Variants in SMPX observed in about 807,000 individuals in gnomAD.
SMPX encodes the protein small muscular protein.
In SMPX, 2 loss-of-function variants were observed where a neutral mutation model predicts 6.3. The ratio of observed to expected loss-of-function variants is 0.32; its 90% CI spans 0.13 to 0.99. The LOEUF (loss-of-function observed/expected upper bound fraction) is 0.99. Among genes scored for constraint, SMPX ranks in the 50% least tolerant of loss-of-function variants. SMPX has a pLI of 0.49. For synonymous variants in SMPX, 32 were observed against 24.7 expected (o/e 1.30, Z -0.88); for missense variants, 60 against 66.8 (o/e 0.90, Z 0.36).
At chrX:21,743,270 T>G (rs1485706245) in intron 3 of SMPX, among the ~76,000 whole-genome samples, 1 of 112,062 alleles carries the variant, frequency 8.9e-6, no homozygotes, top group Non-Finnish European at 1.9e-5. Flanking sequence ...GCTTACTTTC[T>G]GCATTCTCAC....
At chrX:21,724,404 A>G (rs1672423042) in intron 4 of SMPX, among the ~76,000 whole-genome samples, 1 of 112,705 alleles carries the variant, frequency 8.9e-6, no homozygotes, top group East Asian at 2.8e-4. Flanking sequence ...GTATGTGTAT[A>G]AAGATTACAG....
intron 4 of SMPX, among the ~76,000 whole-genome samples, chrX:21,715,260 CTCTGTG>C (rs1465238258): frequency 9.5e-4 from 74 of 77,549 alleles, no homozygotes; most frequent in African/African-American, 3.9e-3. Context: ...ACTCACTCTG[CTCTGTG>C]TGTGTGTGTG....
intron 3 of SMPX, among the ~76,000 whole-genome samples, chrX:21,739,868 T>C (rs1001721792): frequency 1.8e-5 from 2 of 112,433 alleles, no homozygotes; most frequent in Non-Finnish European, 3.8e-5. Flanking sequence ...ATCAAAATGT[T>C]CTATATTGGC....
At chrX:21,717,795 C>G (rs1041720922) in intron 4 of SMPX, among the ~76,000 whole-genome samples, 1 of 112,177 alleles carries the variant, frequency 8.9e-6, no homozygotes, top group African/African-American at 3.2e-5. Context: ...AAAAGTTTTT[C>G]AAAAATAGTA....
Position 21,758,103 on chromosome X carries a change from T to C in SMPX, c.-174A>G. The C allele has an allele frequency of 3.0e-6, 1 of 329,558 alleles. No homozygotes were observed. The highest frequency in any genetic ancestry group is 5.9e-6 in the Non-Finnish European group (1 of 170,037). The allele number at this position is 329,558 out of a possible 1,213,427, so 27.2% of individuals were successfully genotyped here. A position where few individuals can be genotyped will look rare whatever the true frequency, so the allele number is the denominator to read the frequency against. On this transcript the variant is annotated 5_prime_UTR_variant, in exon 1 of 5. It adds an upstream start codon to the 5' untranslated region. Transcript: ENST00000379494. Reference sequence around the variant, plus strand: ...TGAAATAGCTCTGTGCCTCTCCCGGTATTGAGAACTGCTCCTGGCTCGGGG... The same window carrying C: ...TGAAATAGCTCTGTGCCTCTCCCGGCATTGAGAACTGCTCCTGGCTCGGGG...
At chrX:21,715,303 T>TGTGTGTGCGCGCGC (rs1175730294) in intron 4 of SMPX, among the ~76,000 whole-genome samples, 1 of 86,074 alleles carries the variant, frequency 1.2e-5, no homozygotes, top group African/African-American at 6.0e-5. Flanking sequence ...TGTGTGTGTG[T>TGTGTGTGCGCGCGC]GCGCGCACGC....
intron 4 of SMPX, among the ~76,000 whole-genome samples, chrX:21,714,454 G>A (rs1022380879): frequency 1.8e-5 from 2 of 111,753 alleles, no homozygotes; most frequent in African/African-American, 6.5e-5. Context: ...GGACATTTAG[G>A]TTCTTAATCA....
intron 4 of SMPX, chrX:21,733,563 A>T (rs984061701): frequency 1.2e-5 from 3 of 245,101 alleles, no homozygotes; most frequent in African/African-American, 8.8e-5. Context: ...CAGAAGGAGA[A>T]TTTCTTTTTA....
At chrX:21,727,773 G>A (rs748916404) in intron 4 of SMPX, 2 of 112,339 alleles carry the variant, frequency 1.8e-5, no homozygotes, top group Non-Finnish European at 3.8e-5. Context: ...GGAATGATCA[G>A]TTCACAGGCA....
chrX:21,734,914 T>C (rs1196356192), intron 4 of SMPX, among the ~76,000 whole-genome samples: 1 of 112,159 alleles, frequency 8.9e-6, no homozygotes, highest in Non-Finnish European at 1.9e-5. Flanking sequence ...ACCTGTCTTA[T>C]GTGTCTAAAG....
Position 21,706,114 on chromosome X carries a change from C to T in SMPX, c.*295G>A, listed in dbSNP as rs758643235. On this transcript the variant is annotated 3_prime_UTR_variant, in exon 5 of 5. Transcript: ENST00000379494. ...AGCTTGGGAAACTTTTCATCAAAAT[C>T]GTTAGGCACATTGCCATATCATTCT... 29 of 511,385 alleles carry T rather than the reference C, an allele frequency of 5.7e-5. 1 individual carries two copies. In the South Asian group the frequency reaches 5.9e-4, roughly 10 times the overall value. 42.1% of individuals were successfully genotyped at this position (511,385 alleles called of 1,213,427 possible).
intron 3 of SMPX, among the ~76,000 whole-genome samples, chrX:21,739,273 G>A (rs888079873): frequency 8.9e-6 from 1 of 112,042 alleles, no homozygotes; most frequent in African/African-American, 3.2e-5. Context: ...TAGTAGTCAC[G>A]TCCTTTATAG....
At chrX:21,755,801 GTT>G (rs2092832243) in intron 1 of SMPX, among the ~76,000 whole-genome samples, 1 of 112,295 alleles carries the variant, frequency 8.9e-6, no homozygotes, top group Admixed American at 9.4e-5. Flanking sequence ...TTTTTAAAGA[GTT>G]TCACTTGAAT....
chrX:21,716,739 G>A (rs977963502), intron 4 of SMPX, among the ~76,000 whole-genome samples: 9 of 111,031 alleles, frequency 8.1e-5, no homozygotes, highest in Non-Finnish European at 7.5e-5. Flanking sequence ...TGCAGAGAGG[G>A]AACTGAAAAA....
chrX:21,728,214 T>TCTC, intron 4 of SMPX, among the ~76,000 whole-genome samples: 1 of 48,340 alleles, frequency 2.1e-5, no homozygotes, highest in South Asian at 1.4e-3. Context: ...TTCCCCTCCT[T>TCTC]TCTCTCTCTC....
intron 1 of SMPX, among the ~76,000 whole-genome samples, chrX:21,757,458 T>G (rs751205888): frequency 8.9e-6 from 1 of 112,085 alleles, no homozygotes; most frequent in South Asian, 3.8e-4. Flanking sequence ...TAGAACGTTA[T>G]CATTGAGACC....
intron 2 of SMPX, among the ~76,000 whole-genome samples, chrX:21,744,826 G>A (rs1224931435): frequency 8.9e-6 from 1 of 112,139 alleles, no homozygotes; most frequent in African/African-American, 3.2e-5. Context: ...TGAACAAAGG[G>A]AGCAAAATAT....
chrX:21,733,733 T>A (rs1486227662), intron 4 of SMPX: 1 of 328,992 alleles, frequency 3.0e-6, no homozygotes, highest in South Asian at 2.6e-5. Flanking sequence ...CTTCAATTCT[T>A]TGATATCACT....
At chrX:21,730,117 C>T (rs764678053) in intron 4 of SMPX, among the ~76,000 whole-genome samples, 34 of 112,235 alleles carry the variant, frequency 3.0e-4, no homozygotes, top group South Asian at 1.9e-3. Flanking sequence ...CCATTTCCTT[C>T]AGAGAAAGTG....
Sources: allele counts gnomAD v4.1 joint callset (sites outside exome capture counted in the v4.1 genomes callset), GRCh38; gene constraint gnomAD v4.1.1; transcripts MANE v1.5; gene names NCBI Gene and HGNC (gene_info 2026-07-23, HGNC 2026-07-21).